Variants in UNC13C observed in about 807,000 individuals in gnomAD.
The protein encoded by UNC13C is unc-13 homolog C.
Under a neutral mutation model 245.4 loss-of-function variants are expected in UNC13C, and 174 were observed. The observed-to-expected ratio is 0.71, with a 90% confidence interval of 0.63 to 0.80. The LOEUF is 0.80. UNC13C is among the 30% of genes least tolerant of loss of function. The pLI is 0.00. For synonymous variants in UNC13C, 992 were observed against 895.1 expected, an observed-to-expected ratio of 1.11 and a Z score of -1.93; for missense variants, 2,829 against 2,602.9, an observed-to-expected ratio of 1.09 and a Z score of -1.89.
intron 30 of UNC13C, among the ~76,000 whole-genome samples, chr15:54,571,961 C>T (rs1021201176): frequency 1.1e-4 from 17 of 152,210 alleles, no homozygotes; most frequent in African/African-American, 4.1e-4. Flanking sequence ...CACACACTTA[C>T]TTACTTTTTA....
chr15:54,444,346 A>G (rs1289545296), intron 19 of UNC13C, among the ~76,000 whole-genome samples: 1 of 151,098 alleles, frequency 6.6e-6, no homozygotes, highest in Non-Finnish European at 1.5e-5. Flanking sequence ...ATAGTCATGT[A>G]TATACATATA....
chr15:54,212,497 C>T (rs2034913532), intron 4 of UNC13C, among the ~76,000 whole-genome samples: 1 of 151,980 alleles, frequency 6.6e-6, no homozygotes, highest in Non-Finnish European at 1.5e-5. Context: ...ATACCGTGCT[C>T]CTTGTGGGAT....
At chr15:54,403,113 A>C (rs2040220460) in intron 18 of UNC13C, among the ~76,000 whole-genome samples, 1 of 152,220 alleles carries the variant, frequency 6.6e-6, no homozygotes, top group African/African-American at 2.4e-5. Flanking sequence ...TTCGAGAAAC[A>C]GTTATCTAAA....
the UNC13C span, among the ~76,000 whole-genome samples, chr15:53,964,366 T>C: frequency 3.9e-5 from 6 of 152,182 alleles, no homozygotes; most frequent in Admixed American, 3.9e-4. Context: ...AAGTAGGCTC[T>C]TAAATCTAAG....
intron 26 of UNC13C, 68 bp from the exon 27 acceptor site, chr15:54,546,654 G>A (rs1001992340): frequency 3.0e-5 from 29 of 952,692 alleles, no homozygotes; most frequent in South Asian, 2.4e-4. Flanking sequence ...TTTGAAAATC[G>A]TAAAGGCCTA....
rs547523285 is a variant in UNC13C, at chr15:54,075,551, C to CA, written c.2983+59692dup. On this transcript the variant is annotated intron_variant, in intron 2 of 32. Coordinates refer to ENST00000260323, the MANE Select transcript of UNC13C (RefSeq NM_001080534.3). Reference sequence around the variant, plus strand: ...CGGGCGACAGAGCGAGACTCTGTCTCAAAAAAAAAAAAAAAAAAAAAAAAA... The same window carrying CA: ...CGGGCGACAGAGCGAGACTCTGTCTCAAAAAAAAAAAAAAAAAAAAAAAAAA... Among the ~76,000 whole-genome samples the CA allele has an allele frequency of 6.7e-4, 31 of 46,164 alleles. 4 individuals are homozygous for CA. The highest frequency in any genetic ancestry group is 2.3e-3 in the African/African-American group (28 of 12,140). The allele number at this position is 46,164 out of a possible 152,430, so 30.3% of individuals were successfully genotyped here. A position where few individuals can be genotyped will look rare whatever the true frequency, so the allele number is the denominator to read the frequency against.
rs1312650189 is a variant in UNC13C, at chr15:54,265,421, A to G, written c.3743A>G (p.Gln1248Arg). Reference protein sequence around the residue: ...TGSSDPYVTVQVGKNKRRTKT... With the variant: ...TGSSDPYVTVRVGKNKRRTKT... ...TCTAGTGATCCATATGTTACAGTTCAAGTTGGAAAGAACAAAAGAAGAACA... is the reference window on the plus strand; with the variant it reads ...TCTAGTGATCCATATGTTACAGTTCGAGTTGGAAAGAACAAAAGAAGAACA... The change falls in exon 10 of 33, where the codon CAA becomes CGA. Residue 1248 changes from glutamine to arginine, a missense_variant. By Grantham distance (43) the Gln-to-Arg change is conservative (BLOSUM62 1). Coordinates refer to ENST00000260323, the MANE Select transcript of UNC13C (RefSeq NM_001080534.3). 1 of 1,585,460 alleles carries G rather than the reference A, an allele frequency of 6.3e-7. No homozygotes were observed. Among genetic ancestry groups the G allele is most frequent in the Non-Finnish European group, 8.6e-7 (1 of 1,163,448 alleles).
the UNC13C span, among the ~76,000 whole-genome samples, chr15:53,965,364 A>C: frequency 6.6e-6 from 1 of 152,064 alleles, no homozygotes; most frequent in East Asian, 1.9e-4. Flanking sequence ...TTTTAAACAC[A>C]GCCTTCAGTA....
intron 19 of UNC13C, among the ~76,000 whole-genome samples, chr15:54,482,294 C>A (rs1222330672): frequency 6.6e-6 from 1 of 152,082 alleles, no homozygotes; most frequent in East Asian, 1.9e-4. Context: ...GAGGCCTGGG[C>A]TCTCAAAATA....
intron 1 of UNC13C, among the ~76,000 whole-genome samples, chr15:53,983,370 G>A (rs1003171234): frequency 6.7e-6 from 1 of 148,310 alleles, no homozygotes; most frequent in Non-Finnish European, 1.5e-5. Flanking sequence ...CGTGGCTGAA[G>A]GGGAAATTTA....
At chr15:54,142,567 A>T (rs2032071944) in intron 2 of UNC13C, among the ~76,000 whole-genome samples, 1 of 152,226 alleles carries the variant, frequency 6.6e-6, no homozygotes, top group Admixed American at 6.6e-5. Context: ...TCTGAGGTTT[A>T]CTTTCCCAAA....
chr15:53,842,291 T>A, the UNC13C span, among the ~76,000 whole-genome samples: 1 of 152,150 alleles, frequency 6.6e-6, no homozygotes, highest in Non-Finnish European at 1.5e-5. Flanking sequence ...ATAATTTATG[T>A]TGTTGAAAAG....
At chr15:54,529,370 A>T (rs935734047) in intron 25 of UNC13C, among the ~76,000 whole-genome samples, 3 of 152,216 alleles carry the variant, frequency 2.0e-5, no homozygotes, top group Non-Finnish European at 4.4e-5. Context: ...GCATGGAAAT[A>T]TGTATATGGA....
Position 54,619,694 on chromosome 15 carries a change from T to C in UNC13C, c.6107-2633T>C, listed in dbSNP as rs548915710. ...TTGAAATGGTCAGAGGACACTAATG[T>C]TGTTTAAACTGTGGAAGCAACTACT... On this transcript the variant is annotated intron_variant, in intron 30 of 32. Coordinates refer to ENST00000260323, the MANE Select transcript of UNC13C (RefSeq NM_001080534.3). 2.3e-3 allele frequency among the ~76,000 whole-genome samples: 348 copies of C among 152,302 alleles called. 2 individuals are homozygous for C. The highest frequency in any genetic ancestry group is 7.6e-3 in the African/African-American group (318 of 41,580).
At chr15:54,523,619 C>A (rs532288582) in intron 24 of UNC13C, among the ~76,000 whole-genome samples, 8 of 152,234 alleles carry the variant, frequency 5.3e-5, no homozygotes, top group African/African-American at 1.4e-4. Context: ...TGCAAGTGAC[C>A]TATGTAGCCA....
At position 54,361,730 on chromosome 15, in the gene UNC13C, A is replaced by G. The variant is rs553283980; in HGVS notation, c.4713+23241A>G. Among the ~76,000 whole-genome samples, 3 of 152,306 alleles carry G rather than the reference A, an allele frequency of 2.0e-5. No individual in the cohort carries two copies. The East Asian group carries it at 5.8e-4, about 29-fold the overall frequency. ...ACTAGAACTAAAACACTGCACTGGA[A>G]CTAAACTGCTACCCTACCTCTCTTT... On this transcript the variant is annotated intron_variant, in intron 17 of 32. Transcript: ENST00000260323.
At chr15:54,381,122 A>T (rs1198117940) in intron 17 of UNC13C, among the ~76,000 whole-genome samples, 2 of 151,976 alleles carry the variant, frequency 1.3e-5, no homozygotes, top group Non-Finnish European at 2.9e-5. Context: ...AAAGATTTTG[A>T]GTTGGTTTTT....
intron 24 of UNC13C, among the ~76,000 whole-genome samples, chr15:54,524,190 A>G (rs1779578344): frequency 6.7e-6 from 1 of 149,642 alleles, no homozygotes; most frequent in African/African-American, 2.6e-5. Flanking sequence ...AAGCTCACAG[A>G]TATGTTAATT....
upstream of UNC13C, among the ~76,000 whole-genome samples, chr15:53,974,375 C>A (rs1893633877): frequency 6.6e-6 from 1 of 152,178 alleles, no homozygotes; most frequent in Non-Finnish European, 1.5e-5. Flanking sequence ...CTTTACTAAG[C>A]AAGCACACTA....
Sources: gnomAD v4.1 joint callset for allele counts (sites outside exome capture counted in the v4.1 genomes callset) on GRCh38, gnomAD v4.1.1 for gene constraint, MANE v1.5 for transcripts, NCBI Gene and HGNC (gene_info 2026-07-23, HGNC 2026-07-21) for gene names.